Variants in BEND3 observed in about 807,000 individuals in gnomAD.
The protein encoded by BEND3 is BEN domain containing 3, also known as BEN domain-containing protein 3.
BEND3 carries 13 observed loss-of-function variants against 60.1 expected under a neutral mutation model. That is an observed-to-expected ratio of 0.22 (90% CI 0.14 to 0.34). BEND3 has a LOEUF of 0.34. Ranked by LOEUF, BEND3 falls within the 10% of genes least tolerant of loss-of-function variation. BEND3 has a pLI of 1.00. For synonymous variants in BEND3, 497 were observed against 491.5 expected (o/e 1.01, Z -0.15); for missense variants, 896 against 1,138.1 (o/e 0.79, Z 3.06).
intron 1 of BEND3, among the ~76,000 whole-genome samples, chr6:107,100,047 AT>A (rs1456899196): frequency 1.1e-4 from 17 of 151,930 alleles, no homozygotes; most frequent in African/African-American, 4.1e-4. Flanking sequence ...TAATTAAAAA[AT>A]TTTTTTGTAG....
chr6:107,110,927 G>A (rs1422888627), intron 1 of BEND3, among the ~76,000 whole-genome samples: 1 of 149,924 alleles, frequency 6.7e-6, no homozygotes, highest in Non-Finnish European at 1.5e-5. Flanking sequence ...ACTTTGGGAG[G>A]CCGACACAAG....
intron 1 of BEND3, among the ~76,000 whole-genome samples, chr6:107,099,872 A>ATT (rs35134580): frequency 0.025 from 3,688 of 147,934 alleles, 147 homozygotes; most frequent in African/African-American, 0.084. Flanking sequence ...CTCACTAGTA[A>ATT]TTTTTTTTTT....
At chr6:107,113,065 G>A (rs1770153004) in intron 1 of BEND3, among the ~76,000 whole-genome samples, 2 of 152,044 alleles carry the variant, frequency 1.3e-5, no homozygotes, top group Non-Finnish European at 2.9e-5. Flanking sequence ...GGCTGTGGCA[G>A]GAAAATCCCT....
At position 107,070,363 on chromosome 6, in the gene BEND3, G is replaced by A. The variant is rs145792596; in HGVS notation, c.828C>T (p.Pro276=). ...LACRLLVQLF[P]ELFSDVDFSR... Reference sequence around the variant, plus strand: ...AGAAGTCCACGTCGCTGAAGAGCTCGGGGAAGAGCTGCACCAGCAAGCGGC... The same window carrying A: ...AGAAGTCCACGTCGCTGAAGAGCTCAGGGAAGAGCTGCACCAGCAAGCGGC... The change falls in exon 4 of 4, where the codon CCC becomes CCT. Residue 276 remains proline, a synonymous_variant. Transcript: ENST00000369042. The surrounding 1 kb of genome is among the most constrained non-coding windows in gnomAD (Gnocchi z 6.9). 3.0e-5 allele frequency: 49 copies of A among 1,613,422 alleles called. No individual in the cohort carries two copies. Among genetic ancestry groups the A allele is most frequent in the African/African-American group, 2.0e-4 (15 of 74,940 alleles).
chr6:107,071,498 G>A (rs1024579507), intron 3 of BEND3, among the ~76,000 whole-genome samples: 2 of 152,116 alleles, frequency 1.3e-5, no homozygotes, highest in South Asian at 2.1e-4. Context: ...ATGCATGGTC[G>A]GGGCACCTGA....
intron 3 of BEND3, among the ~76,000 whole-genome samples, chr6:107,085,765 A>G (rs1256669106): frequency 6.9e-6 from 1 of 145,004 alleles, no homozygotes; most frequent in African/African-American, 2.6e-5. Flanking sequence ...TGCTGGGATT[A>G]CAGGCGTGAG....
At chr6:107,107,672 A>C (rs1179858715) in intron 1 of BEND3, among the ~76,000 whole-genome samples, 3 of 152,170 alleles carry the variant, frequency 2.0e-5, no homozygotes, top group African/African-American at 7.2e-5. Context: ...CATGTTGGCC[A>C]GGATGGCCTT....
intron 3 of BEND3, among the ~76,000 whole-genome samples, chr6:107,083,028 GT>G (rs1775264925): frequency 6.6e-6 from 1 of 152,204 alleles, no homozygotes; most frequent in African/African-American, 2.4e-5. Context: ...CTGGGTTGAT[GT>G]ATGGGGATGT....
Position 107,066,613 on chromosome 6 carries a change from T to C in BEND3, c.*2091A>G, listed in dbSNP as rs1459546385. 1 of 152,590 alleles carries C rather than the reference T, an allele frequency of 6.6e-6. No homozygotes were observed. Among genetic ancestry groups the C allele is most frequent in the Non-Finnish European group, 1.5e-5 (1 of 68,038 alleles). The allele number at this position is 152,590 out of a possible 1,614,324, so 9.5% of individuals were successfully genotyped here. On this transcript the variant is annotated 3_prime_UTR_variant, in exon 4 of 4. Coordinates refer to ENST00000369042, the MANE Select transcript of BEND3 (RefSeq NM_001367314.1). ...AAGTTGCAGGGTCAACATTCCACCC[T>C]CTAGAAAGCAGGGCAATTCATGGCT...
intron 1 of BEND3, among the ~76,000 whole-genome samples, chr6:107,101,126 C>T (rs1775693743): frequency 6.6e-6 from 1 of 152,076 alleles, no homozygotes; most frequent in Non-Finnish European, 1.5e-5. Context: ...TGCTTGAACC[C>T]GGGAGGCAGA....
intron 1 of BEND3, among the ~76,000 whole-genome samples, chr6:107,101,561 C>G (rs1562314643): frequency 6.6e-6 from 1 of 152,174 alleles, no homozygotes; most frequent in Non-Finnish European, 1.5e-5. Context: ...TTCCTACTCA[C>G]CAAGCCATCT....
chr6:107,088,414 T>C (rs1775402366), intron 3 of BEND3, among the ~76,000 whole-genome samples: 1 of 152,048 alleles, frequency 6.6e-6, no homozygotes, highest in Admixed American at 6.6e-5. Context: ...GAAGAAATAT[T>C]TGAAACCACA....
intron 3 of BEND3, among the ~76,000 whole-genome samples, chr6:107,081,710 C>A (rs749714584): frequency 6.6e-6 from 1 of 151,934 alleles, no homozygotes; most frequent in Non-Finnish European, 1.5e-5. Context: ...ATGTCAGAGT[C>A]CCTGGGTGAT....
chr6:107,091,782 C>T (rs187753702), intron 3 of BEND3, among the ~76,000 whole-genome samples: 44 of 152,274 alleles, frequency 2.9e-4, no homozygotes, highest in African/African-American at 1.0e-3. Context: ...AGAGAAACTA[C>T]TTCCTAACTC....
intron 3 of BEND3, among the ~76,000 whole-genome samples, chr6:107,084,553 T>C (rs1554233940): frequency 6.6e-6 from 1 of 150,496 alleles, no homozygotes; most frequent in Non-Finnish European, 1.5e-5. Flanking sequence ...AACACACCTA[T>C]CAGCACTCTA....
Position 107,115,370 on chromosome 6 carries a change from C to A in BEND3, c.-292G>T, listed in dbSNP as rs1472208252. ...CGCTGCAGTGGAACCACAACCCCTC[C>A]GCCCCCACCCCCGGCCCGCCCCTCC... On this transcript the variant is annotated 5_prime_UTR_variant, in exon 1 of 4. Coordinates refer to ENST00000369042, the MANE Select transcript of BEND3 (RefSeq NM_001367314.1). The A allele has an allele frequency of 6.7e-6, 1 of 148,838 alleles. No homozygotes were observed. Among genetic ancestry groups the A allele is most frequent in the African/African-American group, 2.4e-5 (1 of 41,094 alleles). 9.2% of individuals were successfully genotyped at this position (148,838 alleles called of 1,614,324 possible).
chr6:107,069,630 G>T lies in BEND3; in HGVS notation c.1561C>A (p.Arg521=). 2 of 1,610,790 alleles carry T rather than the reference G, an allele frequency of 1.2e-6. No homozygotes were observed. The highest frequency in any genetic ancestry group is 1.7e-6 in the Non-Finnish European group (2 of 1,179,992). Residue 521 remains arginine (R), a synonymous_variant, in exon 4 of 4, where the codon CGG becomes AGG. Transcript: ENST00000369042. ...VKVEDSFEGE[R]PGRRSKKIWL... is the part of the protein sequence containing the mutation. The stretch of plus-strand genomic sequence containing the variant: ...ATCTTCTTGGAGCGGCGACCCGGCC[G>T]CTCGCCCTCGAAGCTGTCCTCCACC...
intron 3 of BEND3, among the ~76,000 whole-genome samples, chr6:107,074,341 G>A (rs1366591303): frequency 6.6e-6 from 1 of 152,146 alleles, no homozygotes; most frequent in Non-Finnish European, 1.5e-5. Context: ...CTTGAACCTG[G>A]GAGGCGGAGG....
intron 3 of BEND3, among the ~76,000 whole-genome samples, chr6:107,089,731 A>T (rs957518727): frequency 4.0e-5 from 6 of 150,894 alleles, no homozygotes; most frequent in African/African-American, 1.2e-4. Context: ...AGTAGCTGGG[A>T]TAAGAGGCAC....
Sources: gnomAD v4.1 joint callset for allele counts (sites outside exome capture counted in the v4.1 genomes callset) on GRCh38, gnomAD v4.1.1 for gene constraint, Gnocchi (gnomAD v3.1) non-coding constraint, MANE v1.5 for transcripts, NCBI Gene and HGNC (gene_info 2026-07-23, HGNC 2026-07-21) for gene names.